EYA2: variants seen among roughly 807,000 people sequenced by gnomAD.
The protein encoded by EYA2 is EYA transcriptional coactivator and phosphatase 2.
Under a neutral mutation model 69.2 loss-of-function variants are expected in EYA2, and 31 were observed. That is an observed-to-expected ratio of 0.45 (90% CI 0.34 to 0.60). The LOEUF is 0.60. Among genes scored for constraint, EYA2 ranks in the 20% least tolerant of loss-of-function variants. The pLI, the probability that EYA2 is intolerant of heterozygous loss-of-function variation, is 0.02. For missense variants in EYA2, 622 were observed against 701.2 expected, an observed-to-expected ratio of 0.89 and a Z score of 1.28; for synonymous variants, 257 against 279.4, an observed-to-expected ratio of 0.92 and a Z score of 0.80.
chr20:47,056,678 G>A (rs1322784599), intron 5 of EYA2, among the ~76,000 whole-genome samples: 1 of 152,152 alleles, frequency 6.6e-6, no homozygotes, highest in African/African-American at 2.4e-5. Context: ...AGTTATATCT[G>A]AATTCTCTGT....
chr20:47,145,513 G>A (rs73311503), intron 10 of EYA2, among the ~76,000 whole-genome samples: 6,373 of 152,200 alleles, frequency 0.042, 433 homozygotes, highest in African/African-American at 0.14. Flanking sequence ...GACATCTCTG[G>A]GGCAAGCTGA....
At chr20:47,010,224 G>A (rs924645073) in intron 4 of EYA2, among the ~76,000 whole-genome samples, 4 of 152,184 alleles carry the variant, frequency 2.6e-5, no homozygotes, top group African/African-American at 9.7e-5. Context: ...TTTGTAAAAA[G>A]CCACTCCAGA....
intron 5 of EYA2, among the ~76,000 whole-genome samples, chr20:47,065,237 C>A (rs1368729533): frequency 2.6e-5 from 4 of 152,208 alleles, no homozygotes; most frequent in Non-Finnish European, 5.9e-5. Context: ...CAAACTATAT[C>A]AGGTACCAAG....
At chr20:47,006,476 G>A (rs1281046790) in intron 4 of EYA2, among the ~76,000 whole-genome samples, 2 of 152,286 alleles carry the variant, frequency 1.3e-5, no homozygotes, top group East Asian at 3.9e-4. Flanking sequence ...ACCTCTCCAG[G>A]CCTCAGTTTC....
chr20:47,068,557 C>T (rs12480971), intron 5 of EYA2, among the ~76,000 whole-genome samples: 23,641 of 152,108 alleles, frequency 0.16, 2,898 homozygotes, highest in African/African-American at 0.33. Flanking sequence ...ATACTGATGC[C>T]TGGCCCAACT....
intron 5 of EYA2, among the ~76,000 whole-genome samples, chr20:47,046,765 A>G: frequency 6.6e-6 from 1 of 152,130 alleles, no homozygotes; most frequent in East Asian, 1.9e-4. Flanking sequence ...ACTGTAAAAT[A>G]TGACTGTTAA....
chr20:47,063,516 G>C (rs2030987447), intron 5 of EYA2, among the ~76,000 whole-genome samples: 1 of 151,536 alleles, frequency 6.6e-6, no homozygotes, highest in South Asian at 2.1e-4. Context: ...TGAATCAAAA[G>C]GAAAACCCCA....
chr20:47,187,080 G>A (rs114911282), intron 15 of EYA2, among the ~76,000 whole-genome samples: 4,521 of 151,682 alleles, frequency 0.03, 232 homozygotes, highest in African/African-American at 0.1. Context: ...TTAATGAAAC[G>A]AAATTCAGCT....
At chr20:47,171,652 G>A (rs1275831421) in intron 11 of EYA2, among the ~76,000 whole-genome samples, 8 of 152,132 alleles carry the variant, frequency 5.3e-5, no homozygotes, top group Non-Finnish European at 7.3e-5. Context: ...AATCCAGGCA[G>A]CCTGGCTCTG....
At chr20:47,037,953 C>A (rs1003962865) in intron 5 of EYA2, among the ~76,000 whole-genome samples, 1 of 152,214 alleles carries the variant, frequency 6.6e-6, no homozygotes, top group Admixed American at 6.5e-5. Flanking sequence ...ACGTGTTCAT[C>A]ATTCAACAAG....
chr20:47,106,299 A>G (rs1308090654), intron 9 of EYA2, among the ~76,000 whole-genome samples: 1 of 152,170 alleles, frequency 6.6e-6, no homozygotes, highest in Admixed American at 6.5e-5. Flanking sequence ...GGCCTGGCAC[A>G]TGGTAGGAGC....
chr20:47,122,357 G>A lies in EYA2; in HGVS notation c.889-20702G>A, dbSNP rs545637440. On this transcript the variant is annotated intron_variant, in intron 9 of 15. Coordinates refer to ENST00000327619, the MANE Select transcript of EYA2 (RefSeq NM_005244.5). ...CGCCTAGGCTGGAGTGCAGTGGCAC[G>A]ATCTCAGCTCACTGCAAGCTCTGCC... 1.6e-3 allele frequency among the ~76,000 whole-genome samples: 222 copies of A among 138,840 alleles called. 1 individual carries two copies. The highest frequency in any genetic ancestry group is 5.8e-3 in the African/African-American group (208 of 35,778). The allele number at this position is 138,840 out of a possible 152,430, so 91.1% of individuals were successfully genotyped here.
chr20:47,039,529 C>A (rs1404753061), intron 5 of EYA2, among the ~76,000 whole-genome samples: 7 of 152,132 alleles, frequency 4.6e-5, no homozygotes, highest in Admixed American at 3.9e-4. Context: ...TGATCTAGAC[C>A]CACAGAAAGA....
chr20:47,043,370 G>A (rs2029885478), intron 5 of EYA2, among the ~76,000 whole-genome samples: 1 of 152,180 alleles, frequency 6.6e-6, no homozygotes. Flanking sequence ...GCTGGGAAGA[G>A]TACACAGGAG....
intron 1 of EYA2, among the ~76,000 whole-genome samples, chr20:46,946,012 C>G (rs1459104660): frequency 6.6e-6 from 1 of 152,160 alleles, no homozygotes; most frequent in Non-Finnish European, 1.5e-5. Flanking sequence ...GGGTCTGAAA[C>G]CCTAAGCACT....
At chr20:47,046,398 G>A (rs1165952042) in intron 5 of EYA2, among the ~76,000 whole-genome samples, 1 of 152,188 alleles carries the variant, frequency 6.6e-6, no homozygotes, top group Non-Finnish European at 1.5e-5. Context: ...GCAGTTACCA[G>A]CCTCTACCAC....
intron 9 of EYA2, among the ~76,000 whole-genome samples, chr20:47,101,384 G>A (rs1224201327): frequency 1.3e-5 from 2 of 152,198 alleles, no homozygotes; most frequent in African/African-American, 2.4e-5. Flanking sequence ...ACCACACCCA[G>A]CAAGCCCCAC....
At chr20:46,975,788 A>C (rs1324225832) in intron 1 of EYA2, among the ~76,000 whole-genome samples, 2 of 152,128 alleles carry the variant, frequency 1.3e-5, no homozygotes, top group Admixed American at 6.6e-5. Flanking sequence ...GGTTCTGTGC[A>C]CCTGTAATCC....
chr20:47,169,250 G>A, intron 11 of EYA2, 53 bp downstream of exon 11: 1 of 1,549,712 alleles, frequency 6.5e-7, no homozygotes, highest in Non-Finnish European at 8.9e-7. Flanking sequence ...TGATTATCAA[G>A]TTATCCTTCT....
Sources: gnomAD v4.1 joint callset for allele counts (sites outside exome capture counted in the v4.1 genomes callset) on GRCh38, gnomAD v4.1.1 for gene constraint, MANE v1.5 for transcripts, NCBI Gene and HGNC (gene_info 2026-07-23, HGNC 2026-07-21) for gene names.